CAMTA1: variants seen among roughly 807,000 people sequenced by gnomAD.
The protein encoded by CAMTA1 is calmodulin binding transcription activator 1.
In CAMTA1, 27 loss-of-function variants were observed where a neutral mutation model predicts 170.9. The ratio of observed to expected loss-of-function variants is 0.16; its 90% confidence interval spans 0.12 to 0.22. The LOEUF (loss-of-function observed/expected upper bound fraction) is 0.22, where lower values mean the gene tolerates loss of function less well. Among genes scored for constraint, CAMTA1 ranks in the 10% least tolerant of loss-of-function variants. The pLI, the probability that CAMTA1 is intolerant of heterozygous loss-of-function variation, is 1.00. For synonymous variants in CAMTA1, 833 were observed against 891.5 expected, an observed-to-expected ratio of 0.93 and a Z score of 1.17; for missense variants, 1,619 against 2,217.2, an observed-to-expected ratio of 0.73 and a Z score of 5.42.
At chr1:7,161,453 C>T (rs996521218) in intron 4 of CAMTA1, among the ~76,000 whole-genome samples, 3 of 152,222 alleles carry the variant, frequency 2.0e-5, no homozygotes, top group East Asian at 1.9e-4. Context: ...TGAATTGGAA[C>T]TCCCACAATT....
At chr1:7,764,432 T>G (rs1265080532) in intron 22 of CAMTA1, among the ~76,000 whole-genome samples, 1 of 152,236 alleles carries the variant, frequency 6.6e-6, no homozygotes, top group Non-Finnish European at 1.5e-5. Flanking sequence ...TTTTTAGTAT[T>G]ACTGATAACA....
At chr1:7,586,786 C>T (rs994757743) in intron 6 of CAMTA1, among the ~76,000 whole-genome samples, 4 of 152,082 alleles carry the variant, frequency 2.6e-5, no homozygotes, top group African/African-American at 9.7e-5. Flanking sequence ...AGGAGGGGCT[C>T]AGAGGGGCCC....
At chr1:7,688,210 G>A (rs2096275443) in intron 11 of CAMTA1, among the ~76,000 whole-genome samples, 1 of 151,682 alleles carries the variant, frequency 6.6e-6, no homozygotes, top group Non-Finnish European at 1.5e-5. Flanking sequence ...TCACCATGTT[G>A]GCCAGGCTGG....
intron 6 of CAMTA1, among the ~76,000 whole-genome samples, chr1:7,483,954 C>T (rs2093579293): frequency 1.3e-5 from 2 of 152,206 alleles, no homozygotes; most frequent in Admixed American, 6.5e-5. Flanking sequence ...ATTTTTATTC[C>T]CACTTTGACC....
chr1:7,448,678 C>T (rs1557732174), intron 5 of CAMTA1, among the ~76,000 whole-genome samples: 1 of 152,202 alleles, frequency 6.6e-6, no homozygotes, highest in East Asian at 1.9e-4. Context: ...ATAGACCGTG[C>T]CTTCTTGCTG....
At chr1:7,298,557 G>A (rs546893192) in intron 5 of CAMTA1, among the ~76,000 whole-genome samples, 6 of 152,242 alleles carry the variant, frequency 3.9e-5, no homozygotes, top group South Asian at 4.2e-4. Context: ...GCGGAATTCC[G>A]GTCATTTGCT....
chr1:7,208,692 C>G (rs1390612670), intron 4 of CAMTA1, among the ~76,000 whole-genome samples: 1 of 152,166 alleles, frequency 6.6e-6, no homozygotes, highest in African/African-American at 2.4e-5. Context: ...AGAACCATAG[C>G]TGAGCCTTGA....
rs1379168806 is a variant in CAMTA1 at position 7,547,991 on chromosome 1, T to G, written c.510+80090T>G. Reference sequence around the variant, plus strand: ...CGTGATTGATTAGTAATGTCTGCCATGAACAGAGGGACAGGAAGGGTTCCT... The same window carrying G: ...CGTGATTGATTAGTAATGTCTGCCAGGAACAGAGGGACAGGAAGGGTTCCT... On this transcript the variant is annotated intron_variant, in intron 6 of 22. Coordinates refer to ENST00000303635, the MANE Select transcript of CAMTA1 (RefSeq NM_015215.4). The surrounding 1 kb of genome is among the most constrained non-coding windows in gnomAD (Gnocchi z 5.7). 1.3e-5 allele frequency among the ~76,000 whole-genome samples: 2 copies of G among 152,140 alleles called. No homozygotes were observed. Among genetic ancestry groups the G allele is most frequent in the African/African-American group, 4.8e-5 (2 of 41,414 alleles).
intron 3 of CAMTA1, among the ~76,000 whole-genome samples, chr1:6,830,334 G>A (rs917465791): frequency 6.8e-5 from 10 of 146,242 alleles, no homozygotes; most frequent in African/African-American, 2.3e-4. Flanking sequence ...GTGAGCCACC[G>A]CACCTGGCCT....
At chr1:6,986,622 C>T (rs1023858493) in intron 3 of CAMTA1, among the ~76,000 whole-genome samples, 3 of 152,064 alleles carry the variant, frequency 2.0e-5, no homozygotes, top group Admixed American at 6.5e-5. Flanking sequence ...CACTGTGAGG[C>T]GAGTGCTGGG....
intron 6 of CAMTA1, among the ~76,000 whole-genome samples, chr1:7,469,916 G>A (rs2093298098): frequency 6.6e-6 from 1 of 152,176 alleles, no homozygotes; most frequent in South Asian, 2.1e-4. Context: ...CTCTGCCCCA[G>A]CCCTCCCTCA....
chr1:7,231,436 C>T (rs910820892), intron 4 of CAMTA1, among the ~76,000 whole-genome samples: 6 of 151,966 alleles, frequency 3.9e-5, no homozygotes, highest in African/African-American at 1.2e-4. Flanking sequence ...GGCATGATCT[C>T]GTCTCGGCTC....
rs914894750 is a variant in CAMTA1, at chr1:7,144,351, G to A, written c.302+52980G>A. 6.6e-6 allele frequency among the ~76,000 whole-genome samples: 1 copy of A among 152,046 alleles called. No homozygotes were observed. Among genetic ancestry groups the A allele is most frequent in the African/African-American group, 2.4e-5 (1 of 41,374 alleles). On this transcript the variant is annotated intron_variant, in intron 4 of 22. Coordinates refer to ENST00000303635, the MANE Select transcript of CAMTA1 (RefSeq NM_015215.4). The surrounding 1 kb of genome is among the most constrained non-coding windows in gnomAD (Gnocchi z 4.0). ...AGAGAGAGTCTCTTTTCGTTCTAAG[G>A]CCACCAATTCTATTGGATACAGACC...
chr1:6,892,126 A>G (rs1482142351), intron 3 of CAMTA1, among the ~76,000 whole-genome samples: 1 of 152,240 alleles, frequency 6.6e-6, no homozygotes, highest in Non-Finnish European at 1.5e-5. Flanking sequence ...ATGCATTCAT[A>G]TACATAATCA....
chr1:6,926,434 T>TC (rs1683140495), intron 3 of CAMTA1, among the ~76,000 whole-genome samples: 4 of 127,260 alleles, frequency 3.1e-5, no homozygotes, highest in Admixed American at 8.2e-5. Flanking sequence ...TCTTTCTTTC[T>TC]TTTCTCTTTC....
intron 7 of CAMTA1, among the ~76,000 whole-genome samples, chr1:7,647,569 C>G (rs1396067806): frequency 6.6e-6 from 1 of 152,098 alleles, no homozygotes; most frequent in Non-Finnish European, 1.5e-5. Context: ...GTTTGGGGAC[C>G]TGCTCTGTAA....
At chr1:7,751,062 G>A (rs2096893586) in intron 19 of CAMTA1, 137 bp from the exon 20 acceptor site, 1 of 786,124 alleles carries the variant, frequency 1.3e-6, no homozygotes, top group African/African-American at 1.7e-5. Flanking sequence ...CCTCTTTTGT[G>A]ATTAAACCCC....
chr1:6,956,062 G>A (rs1451255273), intron 3 of CAMTA1, among the ~76,000 whole-genome samples: 1 of 152,062 alleles, frequency 6.6e-6, no homozygotes, highest in Non-Finnish European at 1.5e-5. Context: ...ACTGAGCGTC[G>A]CCTCAGTTTC....
At chr1:7,706,594 T>G (rs1166865050) in intron 11 of CAMTA1, among the ~76,000 whole-genome samples, 1 of 152,228 alleles carries the variant, frequency 6.6e-6, no homozygotes, top group African/African-American at 2.4e-5. Context: ...ATAAATTTGT[T>G]TCTCTTTTTC....
Sources: allele counts gnomAD v4.1 joint callset (sites outside exome capture counted in the v4.1 genomes callset), GRCh38; gene constraint gnomAD v4.1.1; non-coding constraint Gnocchi (gnomAD v3.1); transcripts MANE v1.5; gene names NCBI Gene and HGNC (gene_info 2026-07-23, HGNC 2026-07-21).